The following GPHN variants were observed in gnomAD, a reference collection of about 807,000 sequenced individuals.
GPHN encodes gephyrin.
A neutral mutation model predicts 95.5 loss-of-function variants in GPHN; 17 were observed. The observed-to-expected ratio is 0.18, with a 90% CI of 0.12 to 0.27. GPHN has a LOEUF of 0.27. GPHN is among the 10% of genes least tolerant of loss of function. GPHN has a pLI of 1.00. For synonymous variants in GPHN, 320 were observed against 322.5 expected (o/e 0.99, Z 0.08); for missense variants, 660 against 978.1 (o/e 0.67, Z 4.34).
At chr14:66,604,492 C>CCGAA (rs2062416734) in intron 1 of GPHN, among the ~76,000 whole-genome samples, 2 of 152,088 alleles carry the variant, frequency 1.3e-5, no homozygotes, top group South Asian at 4.2e-4. Flanking sequence ...TATCCACTGA[C>CCGAA]CGAAATATTT....
At chr14:66,571,285 G>A (rs6573685) in intron 1 of GPHN, among the ~76,000 whole-genome samples, 47,299 of 152,056 alleles carry the variant, frequency 0.31, 11,190 homozygotes, top group African/African-American at 0.64. Flanking sequence ...CATGAGAACA[G>A]CATGGGGAAA....
intron 10 of GPHN, among the ~76,000 whole-genome samples, chr14:67,055,729 G>A (rs942522003): frequency 1.6e-4 from 24 of 152,296 alleles, no homozygotes; most frequent in South Asian, 4.1e-4. Context: ...TCTTGGTCTC[G>A]CTGACTTCAA....
chr14:67,679,138 G>A, the GPHN span, among the ~76,000 whole-genome samples: 1 of 152,146 alleles, frequency 6.6e-6, no homozygotes, highest in South Asian at 2.1e-4. Flanking sequence ...CAAGATGGAA[G>A]GCATGACATG....
chr14:67,549,012 A>C, the GPHN span, among the ~76,000 whole-genome samples: 1 of 152,250 alleles, frequency 6.6e-6, no homozygotes, highest in Non-Finnish European at 1.5e-5. Context: ...AGTTCAGCTT[A>C]AGTGCCAGTT....
the GPHN span, among the ~76,000 whole-genome samples, chr14:67,222,722 T>A: frequency 9.2e-5 from 14 of 152,294 alleles, no homozygotes; most frequent in Admixed American, 7.2e-4. Flanking sequence ...TATAGGCAAA[T>A]CTCTCTCTTT....
chr14:66,715,171 T>G (rs2070048920), intron 2 of GPHN, among the ~76,000 whole-genome samples: 2 of 152,234 alleles, frequency 1.3e-5, no homozygotes, highest in South Asian at 4.1e-4. Context: ...TATTGGTCTG[T>G]TCAGGGTATG....
At chr14:66,863,839 T>C (rs182234564) in intron 4 of GPHN, among the ~76,000 whole-genome samples, 225 of 152,266 alleles carry the variant, frequency 1.5e-3, no homozygotes, top group African/African-American at 5.2e-3. Flanking sequence ...AAAACTTAAA[T>C]CTAAGACCTC....
chr14:67,643,023 G>A, the GPHN span, among the ~76,000 whole-genome samples: 4 of 151,890 alleles, frequency 2.6e-5, no homozygotes, highest in African/African-American at 2.4e-5. Context: ...GACTGGTCTC[G>A]AACTCCTGAG....
At chr14:66,781,233 T>C (rs1009373057) in intron 3 of GPHN, among the ~76,000 whole-genome samples, 2 of 151,808 alleles carry the variant, frequency 1.3e-5, no homozygotes, top group African/African-American at 2.4e-5. Context: ...CTTTTTTTTT[T>C]TTTTTGATAC....
At chr14:67,079,566 A>G (rs2076613053) in intron 11 of GPHN, among the ~76,000 whole-genome samples, 1 of 151,842 alleles carries the variant, frequency 6.6e-6, no homozygotes, top group Non-Finnish European at 1.5e-5. Flanking sequence ...AATATTTTCA[A>G]GATTCATCCA....
At chr14:66,553,830 T>C (rs769169934) in intron 1 of GPHN, among the ~76,000 whole-genome samples, 1 of 152,002 alleles carries the variant, frequency 6.6e-6, no homozygotes, top group Non-Finnish European at 1.5e-5. Context: ...CTGCCTCGGC[T>C]TCCCAAAGTG....
chr14:66,623,311 G>A (rs1276427670), intron 1 of GPHN, among the ~76,000 whole-genome samples: 1 of 152,118 alleles, frequency 6.6e-6, no homozygotes, highest in Admixed American at 6.5e-5. Flanking sequence ...TTCCTCCCAA[G>A]ACATGTGGGA....
intron 2 of GPHN, among the ~76,000 whole-genome samples, chr14:66,691,816 C>G (rs2067800433): frequency 6.6e-6 from 1 of 152,138 alleles, no homozygotes; most frequent in Admixed American, 6.5e-5. Context: ...AGAACTTTCT[C>G]TGATTGACAT....
At chr14:67,432,595 T>C in the GPHN span, among the ~76,000 whole-genome samples, 1 of 152,224 alleles carries the variant, frequency 6.6e-6, no homozygotes, top group African/African-American at 2.4e-5. Flanking sequence ...GGACAGACTA[T>C]GTGAAGAGCC....
At chr14:67,201,304 C>CAAAT in the GPHN span, 1 of 348,552 alleles carries the variant, frequency 2.9e-6, no homozygotes, top group Non-Finnish European at 5.6e-6. Context: ...TAAAAACAAA[C>CAAAT]AAATAAATAT....
the GPHN span, chr14:67,350,595 C>G: frequency 6.2e-7 from 1 of 1,603,210 alleles, no homozygotes; most frequent in Non-Finnish European, 8.5e-7. Context: ...CAAAACACCC[C>G]GTTTAGTCCC....
intron 1 of GPHN, among the ~76,000 whole-genome samples, chr14:66,664,989 C>CAAAA (rs937401198): frequency 8.4e-4 from 46 of 54,754 alleles, no homozygotes; most frequent in Middle Eastern, 0.013. Context: ...GCCTACCAAC[C>CAAAA]AAAAAAAAAA....
chr14:66,862,147 A>G (rs1270811812), intron 4 of GPHN, among the ~76,000 whole-genome samples: 2 of 152,074 alleles, frequency 1.3e-5, no homozygotes, highest in African/African-American at 4.8e-5. Context: ...TCAAAAATGG[A>G]AAAGGAGTCA....
intron 1 of GPHN, among the ~76,000 whole-genome samples, chr14:66,630,212 C>T (rs530971621): frequency 6.6e-5 from 10 of 152,164 alleles, no homozygotes; most frequent in Admixed American, 5.2e-4. Flanking sequence ...AAGTATTTTA[C>T]TTGGGTTATG....
Sources: gnomAD v4.1 joint callset for allele counts (sites outside exome capture counted in the v4.1 genomes callset) on GRCh38, gnomAD v4.1.1 for gene constraint, MANE v1.5 for transcripts, NCBI Gene and HGNC (gene_info 2026-07-23, HGNC 2026-07-21) for gene names.